Variants in SHROOM3 observed in about 807,000 individuals in gnomAD.
SHROOM3 encodes protein Shroom3.
Under a neutral mutation model 138.6 loss-of-function variants are expected in SHROOM3, and 47 were observed. That is an observed-to-expected ratio of 0.34 (90% CI 0.27 to 0.43). The LOEUF (loss-of-function observed/expected upper bound fraction) is 0.43. SHROOM3 is among the 20% of genes least tolerant of loss of function. SHROOM3 has a pLI of 1.00. For synonymous variants in SHROOM3, 1,062 were observed against 1,063.3 expected, an observed-to-expected ratio of 1.00 and a Z score of 0.02; for missense variants, 2,491 against 2,596.5, an observed-to-expected ratio of 0.96 and a Z score of 0.88.
intron 2 of SHROOM3, among the ~76,000 whole-genome samples, chr4:76,616,608 C>T (rs1257478549): frequency 6.6e-6 from 1 of 152,136 alleles, no homozygotes; most frequent in Non-Finnish European, 1.5e-5. Flanking sequence ...TTCCGATTAT[C>T]TGAGGTACCT....
intron 1 of SHROOM3, among the ~76,000 whole-genome samples, chr4:76,485,719 G>A (rs546177697): frequency 9.9e-4 from 151 of 152,242 alleles, no homozygotes; most frequent in African/African-American, 3.4e-3. Flanking sequence ...CAAGTCATTT[G>A]AAAATAAATA....
chr4:76,770,615 T>G lies in SHROOM3; in HGVS notation c.5350-11T>G, dbSNP rs775402376. The G allele has an allele frequency of 1.9e-6, 3 of 1,613,738 alleles. No homozygotes were observed. In the Admixed American group the frequency reaches 5.0e-5, roughly 27 times the overall value. On this transcript the variant is annotated splice_polypyrimidine_tract_variant and intron_variant, in intron 9 of 10. Transcript: ENST00000296043. ...GTTGGCTGATCTTTGCGGTCTTATCTGTCATTTCAGGCTGAGCTCATTGGA... is the reference window on the plus strand; with the variant it reads ...GTTGGCTGATCTTTGCGGTCTTATCGGTCATTTCAGGCTGAGCTCATTGGA...
Position 76,739,818 on chromosome 4 carries a change from A to G in SHROOM3, c.1645A>G (p.Thr549Ala). ...CCCAGTGGAGAAGAAACCAGAAGCT[A>G]CAGCCAAGTATGTCCCCTCCAAAGT... ...LSPVEKKPEATAKYVPSKVHF... is the reference protein window; with the variant it reads ...LSPVEKKPEAAAKYVPSKVHF... The change falls in exon 5 of 11, where the codon ACA (threonine) becomes GCA (alanine). Residue 549 changes from threonine (T) to alanine (A), a missense_variant. Around this residue, in one of 4 missense-constraint regions of SHROOM3, gnomAD observed 1,733 missense variants for 1,661.6 expected, o/e 1.04. Transcript: ENST00000296043. The G allele has an allele frequency of 6.2e-7, 1 of 1,614,206 alleles. No individual in the cohort carries two copies. Among genetic ancestry groups the G allele is most frequent in the South Asian group, 1.1e-5 (1 of 91,082 alleles).
chr4:76,741,519 G>T lies in SHROOM3; in HGVS notation c.3346G>T (p.Ala1116Ser). ...GGAGCCCGGGCCACTGCGTGAGCGC[G>T]CCCAGAGTGCCTACCTCCAGCCCGG... ...LQEPGPLRER[A>S]QSAYLQPGPA... is the part of the protein sequence containing the mutation. Residue 1116 changes from alanine to serine, a missense_variant, in exon 5 of 11, where the codon GCC (alanine) becomes TCC (serine). Physicochemically the swap from Ala to Ser is moderately conservative, Grantham distance 99. Coordinates refer to ENST00000296043, the MANE Select transcript of SHROOM3 (RefSeq NM_020859.4). This position sits in a 1 kb window ranked among gnomAD's most constrained non-coding sequence, Gnocchi z 6.2. 6.4e-7 allele frequency: 1 copy of T among 1,553,342 alleles called. No homozygotes were observed. Among genetic ancestry groups the T allele is most frequent in the Non-Finnish European group, 8.7e-7 (1 of 1,155,656 alleles).
At chr4:76,584,776 G>T (rs748147686) in intron 2 of SHROOM3, among the ~76,000 whole-genome samples, 3 of 152,164 alleles carry the variant, frequency 2.0e-5, no homozygotes, top group Non-Finnish European at 2.9e-5. Flanking sequence ...ATTCCACTCT[G>T]TGGTGGTGTT....
chr4:76,671,871 A>G (rs1163582726), intron 2 of SHROOM3, among the ~76,000 whole-genome samples: 1 of 152,152 alleles, frequency 6.6e-6, no homozygotes, highest in African/African-American at 2.4e-5. Context: ...TTTGCATTAT[A>G]TATTTACCAG....
At chr4:76,564,512 T>C (rs1291270847) in intron 2 of SHROOM3, among the ~76,000 whole-genome samples, 1 of 152,210 alleles carries the variant, frequency 6.6e-6, no homozygotes, top group Non-Finnish European at 1.5e-5. Flanking sequence ...AAGTATAGTA[T>C]TTTATTTCCT....
At position 76,780,051 on chromosome 4, in the gene SHROOM3, C is replaced by T. The variant is rs754948826; in HGVS notation, c.*874C>T. On this transcript the variant is annotated 3_prime_UTR_variant, in exon 11 of 11. Coordinates refer to ENST00000296043, the MANE Select transcript of SHROOM3 (RefSeq NM_020859.4). ...TCAGACCTATATAATAGGAGGAGGA[C>T]GTCCAGAATCCAACAAAATTCAAAC... 3.3e-5 allele frequency: 5 copies of T among 152,260 alleles called. No homozygotes were observed. Among genetic ancestry groups the T allele is most frequent in the South Asian group, 4.1e-4 (2 of 4,824 alleles). The allele number at this position is 152,260 out of a possible 1,614,324, so 9.4% of individuals were successfully genotyped here. A position where few individuals can be genotyped will look rare whatever the true frequency, so the allele number is the denominator to read the frequency against.
rs1722722503 is a variant in SHROOM3, at chr4:76,781,049, G to A, written c.*1872G>A. The A allele has an allele frequency of 6.6e-6, 1 of 152,202 alleles. No homozygotes were observed. Among genetic ancestry groups the A allele is most frequent in the Non-Finnish European group, 1.5e-5 (1 of 68,048 alleles). 9.4% of individuals were successfully genotyped at this position (152,202 alleles called of 1,614,324 possible). On this transcript the variant is annotated 3_prime_UTR_variant, in exon 11 of 11. Coordinates refer to ENST00000296043, the MANE Select transcript of SHROOM3 (RefSeq NM_020859.4). ...CTCAGAGGAATCCAGGGGGCTCCCA[G>A]TTCCCAACACTCTTCGAGATGACCA...
chr4:76,533,666 C>T lies in SHROOM3; in HGVS notation c.169-21943C>T, dbSNP rs114812461. ...AAAGCAATACACTATGAAAATGTTT[C>T]ATATTTTAAAAACTAAGTAATAAGC... On this transcript the variant is annotated intron_variant, in intron 1 of 10. Coordinates refer to ENST00000296043, the MANE Select transcript of SHROOM3 (RefSeq NM_020859.4). 6.7e-3 allele frequency among the ~76,000 whole-genome samples: 1,016 copies of T among 152,274 alleles called. 14 individuals carry two copies. Among genetic ancestry groups the T allele is most frequent in the African/African-American group, 0.023 (944 of 41,564 alleles).
chr4:76,444,206 C>T (rs971466366), intron 1 of SHROOM3, among the ~76,000 whole-genome samples: 6 of 152,014 alleles, frequency 3.9e-5, no homozygotes, highest in African/African-American at 1.5e-4. Flanking sequence ...TGATCCACCA[C>T]GCCTGGCCTA....
chr4:76,772,715 G>A (rs1045551774), intron 10 of SHROOM3, among the ~76,000 whole-genome samples: 1 of 152,128 alleles, frequency 6.6e-6, no homozygotes, highest in Admixed American at 6.5e-5. Context: ...TGTCAAATAT[G>A]AGGTGCTGTG....
At chr4:76,592,068 G>A (rs1483675562) in intron 2 of SHROOM3, among the ~76,000 whole-genome samples, 4 of 152,214 alleles carry the variant, frequency 2.6e-5, no homozygotes, top group Non-Finnish European at 5.9e-5. Context: ...TTTTTAGGGG[G>A]TGGTGGAAGG....
chr4:76,620,266 G>A (rs912398754), intron 2 of SHROOM3, among the ~76,000 whole-genome samples: 8 of 152,016 alleles, frequency 5.3e-5, no homozygotes, highest in Middle Eastern at 3.2e-3. Context: ...GTCTTGGAGA[G>A]GTCTTGGGCT....
intron 2 of SHROOM3, among the ~76,000 whole-genome samples, chr4:76,668,387 C>T (rs1222475321): frequency 6.6e-6 from 1 of 151,932 alleles, no homozygotes; most frequent in Non-Finnish European, 1.5e-5. Context: ...ATGGTGAAAC[C>T]CCGTCTCTAC....
At chr4:76,471,848 C>T (rs1182273730) in intron 1 of SHROOM3, among the ~76,000 whole-genome samples, 1 of 152,080 alleles carries the variant, frequency 6.6e-6, no homozygotes, top group Non-Finnish European at 1.5e-5. Context: ...GAGCAGCTCT[C>T]AGTTCTTTTG....
chr4:76,466,724 A>T (rs1457777756), intron 1 of SHROOM3, among the ~76,000 whole-genome samples: 1 of 152,178 alleles, frequency 6.6e-6, no homozygotes, highest in East Asian at 1.9e-4. Flanking sequence ...GGCAAAAAAT[A>T]CTCAGACTAA....
intron 2 of SHROOM3, among the ~76,000 whole-genome samples, chr4:76,577,336 G>C (rs1733961622): frequency 6.6e-6 from 1 of 152,164 alleles, no homozygotes; most frequent in Non-Finnish European, 1.5e-5. Flanking sequence ...GGGAAGGTCT[G>C]ATTGTTTACT....
At chr4:76,750,311 T>A (rs1211745602) in intron 6 of SHROOM3, among the ~76,000 whole-genome samples, 1 of 152,128 alleles carries the variant, frequency 6.6e-6, no homozygotes, top group Non-Finnish European at 1.5e-5. Context: ...CAAATAACCC[T>A]ATTTAAAAAT....
Sources: gnomAD v4.1 joint callset for allele counts (sites outside exome capture counted in the v4.1 genomes callset) on GRCh38, gnomAD v4.1.1 for gene constraint, gnomAD v4.1.1 regional missense constraint, Gnocchi (gnomAD v3.1) non-coding constraint, MANE v1.5 for transcripts, NCBI Gene and HGNC (gene_info 2026-07-23, HGNC 2026-07-21) for gene names.